The following ARID1B variants were observed in gnomAD, a reference collection of about 807,000 sequenced individuals.
The protein encoded by ARID1B is AT-rich interaction domain 1B, also known as AT-rich interactive domain-containing protein 1B.
ARID1B carries 30 observed loss-of-function variants against 212.3 expected under a neutral mutation model. The ratio of observed to expected loss-of-function variants is 0.14; its 90% confidence interval spans 0.11 to 0.19. The LOEUF (loss-of-function observed/expected upper bound fraction) is 0.19, where lower values mean the gene tolerates loss of function less well. Among genes scored for constraint, ARID1B ranks in the 10% least tolerant of loss-of-function variants. ARID1B has a pLI of 1.00. For missense variants in ARID1B, 2,891 were observed against 3,204.0 expected (o/e 0.90, Z 2.36); for synonymous variants, 1,402 against 1,301.7 (o/e 1.08, Z -1.66).
intron 1 of ARID1B, among the ~76,000 whole-genome samples, chr6:156,806,466 A>G (rs1781164499): frequency 6.6e-6 from 1 of 152,246 alleles, no homozygotes; most frequent in African/African-American, 2.4e-5. Context: ...ACTTTACTGT[A>G]TCATATTTTC....
At chr6:157,159,899 C>T (rs191472405) in intron 8 of ARID1B, among the ~76,000 whole-genome samples, 4 of 152,336 alleles carry the variant, frequency 2.6e-5, no homozygotes, top group African/African-American at 9.6e-5. Context: ...TGTTCCTTTA[C>T]TTAGAAGTTC....
At chr6:157,114,287 T>C (rs9480439) in intron 6 of ARID1B, among the ~76,000 whole-genome samples, 58,698 of 151,584 alleles carry the variant, frequency 0.39, 12,996 homozygotes, top group African/African-American at 0.61. Flanking sequence ...ATTTGGGAGG[T>C]TGAGGCGGGT....
At chr6:157,004,901 T>TTTTTTG (rs1779135958) in intron 4 of ARID1B, among the ~76,000 whole-genome samples, 1 of 83,020 alleles carries the variant, frequency 1.2e-5, no homozygotes, top group African/African-American at 6.0e-5. Flanking sequence ...TTTTTTCTTT[T>TTTTTTG]TTTTTTTTTT....
chr6:156,886,580 A>C (rs1052630166), intron 2 of ARID1B, among the ~76,000 whole-genome samples: 2 of 151,408 alleles, frequency 1.3e-5, no homozygotes, highest in Admixed American at 1.3e-4. Context: ...TCCACCTTTC[A>C]CTTCCGTTTA....
chr6:156,933,701 A>C (rs1194988966), intron 3 of ARID1B, among the ~76,000 whole-genome samples: 2 of 152,258 alleles, frequency 1.3e-5, no homozygotes, highest in East Asian at 3.8e-4. Context: ...TCTTAGAAAA[A>C]TATGATATGA....
chr6:157,001,894 C>T (rs1778935255), intron 4 of ARID1B, among the ~76,000 whole-genome samples: 1 of 152,176 alleles, frequency 6.6e-6, no homozygotes, highest in African/African-American at 2.4e-5. Context: ...GGCGATAGGT[C>T]GCACACCTTA....
At chr6:157,120,832 C>A (rs866495713) in intron 6 of ARID1B, among the ~76,000 whole-genome samples, 3 of 152,156 alleles carry the variant, frequency 2.0e-5, no homozygotes, top group Admixed American at 2.0e-4. Flanking sequence ...TTGTTGGTAT[C>A]CTGACAATGC....
At position 157,205,973 on chromosome 6, in the gene ARID1B, A is replaced by G. The variant is rs1227748537; in HGVS notation, c.5395-194A>G. On this transcript the variant is annotated intron_variant, in intron 19 of 19. Coordinates refer to ENST00000636930, the MANE Select transcript of ARID1B (RefSeq NM_001374828.1). ...AACATGCTAAACATCGGTTTAGTTT[A>G]TACTGTAAAATTCAGGAAGTTCGCT... is the stretch of plus-strand genomic sequence containing the variant. 6.1e-6 allele frequency: 4 copies of G among 655,642 alleles called. No individual in the cohort carries two copies. In the Admixed American group the frequency reaches 9.8e-5, roughly 16 times the overall value. The allele number at this position is 655,642 out of a possible 1,614,324, so 40.6% of individuals were successfully genotyped here. A position where few individuals can be genotyped will look rare whatever the true frequency, so the allele number is the denominator to read the frequency against.
At chr6:156,963,064 G>C (rs1043015305) in intron 4 of ARID1B, among the ~76,000 whole-genome samples, 12 of 152,154 alleles carry the variant, frequency 7.9e-5, no homozygotes, top group Middle Eastern at 3.2e-3. Flanking sequence ...TTACAGGTGT[G>C]AGCCACCGCG....
intron 3 of ARID1B, among the ~76,000 whole-genome samples, chr6:156,910,305 A>G (rs1425219696): frequency 1.3e-5 from 2 of 152,178 alleles, no homozygotes; most frequent in African/African-American, 4.8e-5. Context: ...TTCTTAAAGG[A>G]GCCACTTATT....
chr6:157,198,559 G>A (rs1305375003), intron 16 of ARID1B: 16 of 477,200 alleles, frequency 3.4e-5, no homozygotes, highest in African/African-American at 9.6e-5. Flanking sequence ...CTGCTCAACC[G>A]GTATTCCTCT....
At chr6:157,034,879 CAT>C (rs1274768973) in intron 4 of ARID1B, among the ~76,000 whole-genome samples, 1 of 152,178 alleles carries the variant, frequency 6.6e-6, no homozygotes, top group Non-Finnish European at 1.5e-5. Flanking sequence ...TTGAACAAAA[CAT>C]AAATACTTTT....
intron 3 of ARID1B, among the ~76,000 whole-genome samples, chr6:156,916,069 G>A (rs1335036351): frequency 1.3e-5 from 2 of 151,650 alleles, no homozygotes; most frequent in Non-Finnish European, 2.9e-5. Context: ...TCTGAGCACC[G>A]ACAGAATTAA....
At chr6:157,022,491 G>GA (rs1780381126) in intron 4 of ARID1B, 1 of 152,214 alleles carries the variant, frequency 6.6e-6, no homozygotes. Context: ...GAGACTTTGG[G>GA]ATCACTGGGT....
intron 1 of ARID1B, among the ~76,000 whole-genome samples, chr6:156,800,086 T>C (rs1357555837): frequency 6.6e-6 from 1 of 152,228 alleles, no homozygotes; most frequent in African/African-American, 2.4e-5. Context: ...ATTTCTTCTT[T>C]TGATGAGAAT....
At chr6:156,829,656 G>A (rs1783006745) in intron 2 of ARID1B, 1 of 477,098 alleles carries the variant, frequency 2.1e-6, no homozygotes, top group Non-Finnish European at 3.7e-6. Flanking sequence ...AGGACCAGCT[G>A]TATTTGATAG....
intron 1 of ARID1B, among the ~76,000 whole-genome samples, chr6:156,797,325 A>T (rs1780453432): frequency 6.6e-6 from 1 of 152,240 alleles, no homozygotes; most frequent in Non-Finnish European, 1.5e-5. Flanking sequence ...GGAATTCAAA[A>T]TAATGGAACA....
intron 4 of ARID1B, among the ~76,000 whole-genome samples, chr6:157,039,646 TTTCCTTCC>T (rs1273287334): frequency 0.028 from 1,661 of 59,242 alleles, 30 homozygotes; most frequent in Middle Eastern, 0.053. Flanking sequence ...TCCTTCCTTC[TTTCCTTCC>T]TTCCTTCCTT....
intron 2 of ARID1B, among the ~76,000 whole-genome samples, chr6:156,839,058 T>C (rs1783715031): frequency 6.6e-6 from 1 of 152,240 alleles, no homozygotes; most frequent in Admixed American, 6.5e-5. Context: ...CTTTTCTTCC[T>C]ACTTGTGGGT....
Sources: allele counts gnomAD v4.1 joint callset (sites outside exome capture counted in the v4.1 genomes callset), GRCh38; gene constraint gnomAD v4.1.1; transcripts MANE v1.5; gene names NCBI Gene and HGNC (gene_info 2026-07-23, HGNC 2026-07-21).